The following UBE2G1 variants were observed in gnomAD, a reference collection of about 807,000 sequenced individuals.
UBE2G1 encodes the protein ubiquitin conjugating enzyme E2 G1.
Under a neutral mutation model 22.7 loss-of-function variants are expected in UBE2G1, and 5 were observed. The observed-to-expected ratio is 0.22, with a 90% CI of 0.12 to 0.46. The LOEUF is 0.46. Ranked by LOEUF, UBE2G1 falls within the 20% of genes least tolerant of loss-of-function variation. UBE2G1 has a pLI of 0.99. For synonymous variants in UBE2G1, 74 were observed against 67.5 expected (o/e 1.10, Z -0.47); for missense variants, 88 against 203.9 (o/e 0.43, Z 3.46).
rs79322136 is a variant in UBE2G1, at chr17:4,321,859, C to G, written c.47-14736G>C. Reference sequence around the variant, plus strand: ...CATTTAAACCCCTAATTTTCCTAGGCTATTAGTGTGCGATTCAAATGTGTG... The same window carrying G: ...CATTTAAACCCCTAATTTTCCTAGGGTATTAGTGTGCGATTCAAATGTGTG... On this transcript the variant is annotated intron_variant, in intron 1 of 5. Coordinates refer to ENST00000396981, the MANE Select transcript of UBE2G1 (RefSeq NM_003342.5). Among the ~76,000 whole-genome samples the G allele has an allele frequency of 3.6e-3, 543 of 152,268 alleles. 2 individuals carry two copies. The highest frequency in any genetic ancestry group is 0.013 in the African/African-American group (524 of 41,552).
intron 1 of UBE2G1, among the ~76,000 whole-genome samples, chr17:4,364,659 C>G (rs1597271028): frequency 1.3e-5 from 2 of 149,244 alleles, no homozygotes; most frequent in East Asian, 4.1e-4. Context: ...CAGCTCACTG[C>G]AACGATGCCT....
chr17:4,290,785 T>A (rs1258976843), intron 3 of UBE2G1, among the ~76,000 whole-genome samples: 1 of 149,958 alleles, frequency 6.7e-6, no homozygotes, highest in East Asian at 2.0e-4. Context: ...CTGGCTTTTT[T>A]TTTTTTTTTT....
intron 1 of UBE2G1, among the ~76,000 whole-genome samples, chr17:4,310,807 TACCTCGAGTATATA>T (rs1969301174): frequency 6.6e-6 from 1 of 152,132 alleles, no homozygotes; most frequent in African/African-American, 2.4e-5. Flanking sequence ...TTGAAAAGTG[TACCTCGAGTATATA>T]GTAGTCGAAA....
At chr17:4,354,069 C>T (rs1239588798) in intron 1 of UBE2G1, among the ~76,000 whole-genome samples, 1 of 152,120 alleles carries the variant, frequency 6.6e-6, no homozygotes, top group Non-Finnish European at 1.5e-5. Context: ...ACTCCAACTA[C>T]ACAACTTCTT....
In UBE2G1 at chr17:4,307,919, A is replaced by G. The variant is rs188807737; in HGVS notation, c.47-796T>C. On this transcript the variant is annotated intron_variant, in intron 1 of 5. Coordinates refer to ENST00000396981, the MANE Select transcript of UBE2G1 (RefSeq NM_003342.5). ...CAGGGACCTTAAGGAGCAGGTGAGC[A>G]GCGGTACAGAGCCCAGAATGTTTCC... Among the ~76,000 whole-genome samples, 9 of 152,338 alleles carry G rather than the reference A, an allele frequency of 5.9e-5. No individual in the cohort carries two copies. The East Asian group carries it at 1.7e-3, about 29-fold the overall frequency.
chr17:4,334,728 C>A (rs987293119), intron 1 of UBE2G1, among the ~76,000 whole-genome samples: 1 of 152,046 alleles, frequency 6.6e-6, no homozygotes, highest in Non-Finnish European at 1.5e-5. Flanking sequence ...TTAGTAGAGA[C>A]AGCTTTCACC....
chr17:4,334,070 G>T (rs998738880), intron 1 of UBE2G1, among the ~76,000 whole-genome samples: 1 of 145,646 alleles, frequency 6.9e-6, no homozygotes, highest in East Asian at 2.0e-4. Flanking sequence ...AATTTCCATG[G>T]TTTTTTTTTT....
At chr17:4,355,590 T>C (rs907026324) in intron 1 of UBE2G1, among the ~76,000 whole-genome samples, 2 of 139,342 alleles carry the variant, frequency 1.4e-5, no homozygotes, top group African/African-American at 2.7e-5. Context: ...TGCGGTGGGC[T>C]GAGATCGTGC....
chr17:4,310,991 G>A (rs970888653), intron 1 of UBE2G1, among the ~76,000 whole-genome samples: 12 of 152,128 alleles, frequency 7.9e-5, no homozygotes, highest in African/African-American at 1.2e-4. Flanking sequence ...TGGGCAGATC[G>A]TTTGAGCCCA....
Position 4,279,785 on chromosome 17 carries a change from TTATATATATATATATA to T in UBE2G1, c.*37+2997_*37+3012del, listed in dbSNP as rs71144177. 9.5e-3 allele frequency among the ~76,000 whole-genome samples: 651 copies of T among 68,878 alleles called. 28 individuals carry two copies. Among genetic ancestry groups the T allele is most frequent in the African/African-American group, 0.024 (549 of 23,118 alleles). 45.2% of individuals were successfully genotyped at this position (68,878 alleles called of 152,430 possible). On this transcript the variant is annotated intron_variant, in intron 5 of 5. Transcript: ENST00000396981. ...GCGAAACTCTGCCCCCAAAAAAAAG[TTATATATATATATATA>T]TATATATATATATATATATATATAT... is the stretch of plus-strand genomic sequence containing the variant.
intron 1 of UBE2G1, among the ~76,000 whole-genome samples, chr17:4,312,969 TAA>T (rs1346571391): frequency 7.2e-5 from 11 of 152,172 alleles, no homozygotes; most frequent in Non-Finnish European, 1.6e-4. Flanking sequence ...AAATTTTTTC[TAA>T]AAGTTTGACG....
intron 1 of UBE2G1, among the ~76,000 whole-genome samples, chr17:4,323,442 C>T (rs1481212238): frequency 6.6e-6 from 1 of 152,150 alleles, no homozygotes; most frequent in African/African-American, 2.4e-5. Flanking sequence ...AGAAGGCATA[C>T]GAATTCATCA....
chr17:4,359,737 AGCTACTCAGAAG>A (rs1382078967), intron 1 of UBE2G1, among the ~76,000 whole-genome samples: 1 of 152,084 alleles, frequency 6.6e-6, no homozygotes, highest in Non-Finnish European at 1.5e-5. Context: ...CTGTAGTCCC[AGCTACTCAGAAG>A]GCTGAGGCAG....
At chr17:4,327,647 G>A (rs1280297069) in intron 1 of UBE2G1, among the ~76,000 whole-genome samples, 1 of 152,100 alleles carries the variant, frequency 6.6e-6, no homozygotes, top group East Asian at 1.9e-4. Flanking sequence ...GAGTAGAATG[G>A]AGTAGTTAAA....
chr17:4,341,328 T>C (rs991246932), intron 1 of UBE2G1, among the ~76,000 whole-genome samples: 4 of 152,168 alleles, frequency 2.6e-5, no homozygotes, highest in East Asian at 1.9e-4. Context: ...CCCAGACATA[T>C]CGTCTAACCT....
intron 1 of UBE2G1, among the ~76,000 whole-genome samples, chr17:4,311,118 C>T (rs561319105): frequency 1.6e-4 from 25 of 152,044 alleles, no homozygotes; most frequent in Admixed American, 2.6e-4. Context: ...CCCAGCTACT[C>T]GGGGAGGCTG....
intron 1 of UBE2G1, among the ~76,000 whole-genome samples, chr17:4,319,184 A>G (rs1969408857): frequency 6.6e-6 from 1 of 152,228 alleles, no homozygotes; most frequent in South Asian, 2.1e-4. Flanking sequence ...CTATAATAAT[A>G]AATATACAGA....
intron 1 of UBE2G1, among the ~76,000 whole-genome samples, chr17:4,314,935 T>G (rs573192814): frequency 6.6e-6 from 1 of 152,046 alleles, no homozygotes; most frequent in Admixed American, 6.6e-5. Flanking sequence ...AAGAGAGAAA[T>G]GAATTCAAAC....
At chr17:4,363,359 C>T (rs984557098) in intron 1 of UBE2G1, among the ~76,000 whole-genome samples, 2 of 152,022 alleles carry the variant, frequency 1.3e-5, no homozygotes, top group African/African-American at 2.4e-5. Flanking sequence ...TACAATGAGG[C>T]CTGAAAAAAT....
Sources: gnomAD v4.1 joint callset for allele counts (sites outside exome capture counted in the v4.1 genomes callset) on GRCh38, gnomAD v4.1.1 for gene constraint, MANE v1.5 for transcripts, NCBI Gene and HGNC (gene_info 2026-07-23, HGNC 2026-07-21) for gene names.